TENM2: variants seen among roughly 807,000 people sequenced by gnomAD.
The protein encoded by TENM2 is teneurin transmembrane protein 2.
Under a neutral mutation model 245.2 loss-of-function variants are expected in TENM2, and 52 were observed. The ratio of observed to expected loss-of-function variants is 0.21; its 90% CI spans 0.17 to 0.27. The LOEUF is 0.27. Among genes scored for constraint, TENM2 ranks in the 10% least tolerant of loss-of-function variants. The pLI, the probability that TENM2 is intolerant of heterozygous loss-of-function variation, is 1.00. For synonymous variants in TENM2, 1,363 were observed against 1,438.9 expected (o/e 0.95, Z 1.19); for missense variants, 3,046 against 3,666.8 (o/e 0.83, Z 4.37).
At chr5:167,800,200 G>C (rs1765609272) in intron 2 of TENM2, among the ~76,000 whole-genome samples, 1 of 152,204 alleles carries the variant, frequency 6.6e-6, no homozygotes, top group African/African-American at 2.4e-5. Context: ...GGCTCTTACA[G>C]AATGCCACAG....
intron 9 of TENM2, among the ~76,000 whole-genome samples, chr5:168,105,716 C>T (rs1238568318): frequency 6.6e-6 from 1 of 152,104 alleles, no homozygotes. Context: ...AATGGCATTT[C>T]TTTCCTGGCA....
At chr5:167,111,212 G>T in the TENM2 span, among the ~76,000 whole-genome samples, 813 of 152,058 alleles carry the variant, frequency 5.3e-3, 7 homozygotes, top group African/African-American at 0.019. Context: ...TCCCATTTAT[G>T]AATAAAATCA....
At chr5:167,762,391 G>C (rs1157356265) in intron 2 of TENM2, among the ~76,000 whole-genome samples, 1 of 152,154 alleles carries the variant, frequency 6.6e-6, no homozygotes, top group Non-Finnish European at 1.5e-5. Context: ...CTACATTAAG[G>C]ATCAAAAAGA....
At chr5:168,228,093 T>C in exon 25 of TENM2, 1 of 1,613,710 alleles carries the variant, frequency 6.2e-7, no homozygotes, top group Non-Finnish European at 8.5e-7. Flanking sequence ...AAGGAACAGA[T>C]TAAAGGCAAA....
chr5:167,123,863 C>T, the TENM2 span, among the ~76,000 whole-genome samples: 1 of 152,130 alleles, frequency 6.6e-6, no homozygotes, highest in Admixed American at 6.6e-5. Context: ...GCAAGTTATA[C>T]CACCTTGCAG....
chr5:167,008,286 T>C, the TENM2 span, among the ~76,000 whole-genome samples: 3 of 152,204 alleles, frequency 2.0e-5, no homozygotes, highest in Admixed American at 6.5e-5. Context: ...GGGTAGATTC[T>C]TTCTAACATT....
chr5:167,874,025 A>T (rs1193654205), intron 2 of TENM2, among the ~76,000 whole-genome samples: 1 of 152,068 alleles, frequency 6.6e-6, no homozygotes, highest in African/African-American at 2.4e-5. Context: ...GCTGCTGTTC[A>T]TCCTGTTTTC....
At chr5:167,676,055 C>T (rs2150362867) in intron 2 of TENM2, among the ~76,000 whole-genome samples, 1 of 152,136 alleles carries the variant, frequency 6.6e-6, no homozygotes, top group South Asian at 2.1e-4. Context: ...TTCAAGGAGC[C>T]ATATTATCTA....
chr5:167,016,325 G>C, the TENM2 span, among the ~76,000 whole-genome samples: 1 of 147,616 alleles, frequency 6.8e-6, no homozygotes, highest in Non-Finnish European at 1.5e-5. Context: ...CCTGTCTACT[G>C]TCCTTTCCTG....
chr5:167,526,705 C>T (rs1210572689), intron 2 of TENM2, among the ~76,000 whole-genome samples: 1 of 151,820 alleles, frequency 6.6e-6, no homozygotes, highest in African/African-American at 2.4e-5. Context: ...GTTAGATTTC[C>T]TTCTTTCTAA....
chr5:167,240,004 C>A, the TENM2 span, among the ~76,000 whole-genome samples: 1 of 152,218 alleles, frequency 6.6e-6, no homozygotes, highest in African/African-American at 2.4e-5. Context: ...CAACTCCTGA[C>A]CTCAGGTGAT....
In TENM2 at chr5:167,805,197, G is replaced by A. The variant is rs370877341; in HGVS notation, c.503-70789G>A. ...CAGCTAACTCCTTGGTGTAGCACTCGTGTCACTGAACAGATAAACACTGCC... is the reference window on the plus strand; with the variant it reads ...CAGCTAACTCCTTGGTGTAGCACTCATGTCACTGAACAGATAAACACTGCC... On this transcript the variant is annotated intron_variant, in intron 2 of 28. Coordinates refer to ENST00000518659, the Ensembl canonical transcript of TENM2. Among the ~76,000 whole-genome samples, 15 of 152,220 alleles carry A rather than the reference G, an allele frequency of 9.9e-5. 1 individual carries two copies. In the South Asian group the frequency reaches 2.1e-3, roughly 21 times the overall value.
chr5:168,253,423 T>TG (rs1767317560), intron 27 of TENM2, among the ~76,000 whole-genome samples: 1 of 107,894 alleles, frequency 9.3e-6, no homozygotes, highest in Non-Finnish European at 2.2e-5. Flanking sequence ...ATGCATTCAT[T>TG]ATTTTATTTT....
At chr5:167,929,625 A>G (rs1778128562) in intron 3 of TENM2, among the ~76,000 whole-genome samples, 1 of 152,138 alleles carries the variant, frequency 6.6e-6, no homozygotes, top group Non-Finnish European at 1.5e-5. Context: ...GTGGCTGTTG[A>G]ATTTATGGAA....
At chr5:167,176,906 T>C in the TENM2 span, among the ~76,000 whole-genome samples, 3 of 152,238 alleles carry the variant, frequency 2.0e-5, no homozygotes, top group Non-Finnish European at 4.4e-5. Context: ...ATTTTTAATA[T>C]CATTCCTTCT....
chr5:167,084,330 TATATATATATATATATATATATATA>T, the TENM2 span, among the ~76,000 whole-genome samples: 33 of 60,606 alleles, frequency 5.4e-4, no homozygotes, highest in African/African-American at 2.5e-3. Context: ...ATTTTAGTTA[TATATATATATATATATATATATATA>T]TATATATATA....
At chr5:167,915,002 C>T (rs959813312) in intron 3 of TENM2, among the ~76,000 whole-genome samples, 2 of 152,084 alleles carry the variant, frequency 1.3e-5, no homozygotes, top group African/African-American at 4.8e-5. Context: ...GTTAGGACAT[C>T]AACATATCTT....
intron 2 of TENM2, among the ~76,000 whole-genome samples, chr5:167,698,776 C>T (rs550098830): frequency 9.3e-5 from 14 of 150,726 alleles, no homozygotes; most frequent in South Asian, 4.2e-4. Flanking sequence ...CTCCTCCTCC[C>T]GGATTCACGC....
chr5:168,044,509 G>A (rs909705998), intron 5 of TENM2, among the ~76,000 whole-genome samples: 60 of 152,102 alleles, frequency 3.9e-4, no homozygotes, highest in Non-Finnish European at 5.4e-4. Flanking sequence ...CTCTGATTAT[G>A]TGTTTTTTAA....
Sources: allele counts gnomAD v4.1 joint callset (sites outside exome capture counted in the v4.1 genomes callset), GRCh38; gene constraint gnomAD v4.1.1; transcripts MANE v1.5; gene names NCBI Gene and HGNC (gene_info 2026-07-23, HGNC 2026-07-21).